The following PITPNC1 variants were observed in gnomAD, a reference collection of about 807,000 sequenced individuals.
PITPNC1 encodes the protein cytoplasmic phosphatidylinositol transfer protein 1.
Under a neutral mutation model 44.7 loss-of-function variants are expected in PITPNC1, and 18 were observed. The observed-to-expected ratio is 0.40, with a 90% confidence interval of 0.28 to 0.60. PITPNC1 has a LOEUF of 0.60. Ranked by LOEUF, PITPNC1 falls within the 20% of genes least tolerant of loss-of-function variation. The pLI, the probability that PITPNC1 is intolerant of heterozygous loss-of-function variation, is 0.39. For missense variants in PITPNC1, 290 were observed against 418.4 expected (o/e 0.69, Z 2.68); for synonymous variants, 141 against 149.6 (o/e 0.94, Z 0.42).
chr17:67,570,140 A>C (rs1270048668), intron 4 of PITPNC1, among the ~76,000 whole-genome samples: 1 of 152,104 alleles, frequency 6.6e-6, no homozygotes, highest in Non-Finnish European at 1.5e-5. Context: ...GGTTTTGGCG[A>C]TTGGGTTGAG....
At chr17:67,546,169 T>A (rs1329377411) in intron 2 of PITPNC1, among the ~76,000 whole-genome samples, 1 of 115,338 alleles carries the variant, frequency 8.7e-6, no homozygotes, top group Non-Finnish European at 1.8e-5. Context: ...AAAGTGAGAC[T>A]CCATCTCAAA....
At chr17:67,572,277 A>G (rs1403800054) in intron 4 of PITPNC1, among the ~76,000 whole-genome samples, 2 of 152,046 alleles carry the variant, frequency 1.3e-5, no homozygotes, top group Non-Finnish European at 2.9e-5. Flanking sequence ...CAGGATCTTT[A>G]GGGAACAGCG....
intron 6 of PITPNC1, among the ~76,000 whole-genome samples, chr17:67,634,500 G>A (rs1186678669): frequency 3.3e-5 from 5 of 152,090 alleles, no homozygotes; most frequent in Non-Finnish European, 4.4e-5. Flanking sequence ...AGGCTGCAAT[G>A]AGCTGAGATC....
At chr17:67,686,020 G>T (rs963466497) in intron 8 of PITPNC1, among the ~76,000 whole-genome samples, 13 of 151,496 alleles carry the variant, frequency 8.6e-5, no homozygotes, top group African/African-American at 3.2e-4. Flanking sequence ...TAGTAGAGAC[G>T]GTGTTTCACC....
chr17:67,663,914 C>T (rs191560787), intron 6 of PITPNC1, among the ~76,000 whole-genome samples: 68 of 152,184 alleles, frequency 4.5e-4, no homozygotes, highest in Admixed American at 9.2e-4. Flanking sequence ...AGTGACCGAG[C>T]GAGCTTCTAG....
At chr17:67,668,805 T>C (rs9895334) in intron 6 of PITPNC1, among the ~76,000 whole-genome samples, 26,042 of 149,972 alleles carry the variant, frequency 0.17, 2,384 homozygotes, top group African/African-American at 0.24. Flanking sequence ...GAGCTTGCAG[T>C]GAGCCGAGAT....
intron 5 of PITPNC1, among the ~76,000 whole-genome samples, chr17:67,623,889 A>G (rs1452067476): frequency 6.6e-6 from 1 of 152,204 alleles, no homozygotes; most frequent in Non-Finnish European, 1.5e-5. Flanking sequence ...GAAATCACCA[A>G]ATCTAGAAAC....
intron 6 of PITPNC1, among the ~76,000 whole-genome samples, chr17:67,633,782 C>T (rs1248623288): frequency 6.6e-6 from 1 of 152,250 alleles, no homozygotes; most frequent in African/African-American, 2.4e-5. Flanking sequence ...CAAAGCACTC[C>T]TGTGACGCCT....
chr17:67,398,785 T>G (rs1281118873), intron 1 of PITPNC1, among the ~76,000 whole-genome samples: 1 of 152,124 alleles, frequency 6.6e-6, no homozygotes, highest in Non-Finnish European at 1.5e-5. Flanking sequence ...AATCTATTTT[T>G]CATTGCACGT....
chr17:67,545,351 GCAGATCACTTGAGGT>G (rs1472493656), intron 2 of PITPNC1, among the ~76,000 whole-genome samples: 4 of 151,938 alleles, frequency 2.6e-5, no homozygotes, highest in African/African-American at 9.7e-5. Context: ...GGCCAAGCAG[GCAGATCACTTGAGGT>G]CAGGCGTTTG....
intron 6 of PITPNC1, among the ~76,000 whole-genome samples, chr17:67,639,584 G>A (rs1405119480): frequency 6.6e-6 from 1 of 152,196 alleles, no homozygotes; most frequent in African/African-American, 2.4e-5. Context: ...CCCTGACGTG[G>A]CATAATTAAA....
chr17:67,608,022 C>A (rs920574585), intron 5 of PITPNC1, among the ~76,000 whole-genome samples: 1 of 151,922 alleles, frequency 6.6e-6, no homozygotes, highest in Admixed American at 6.6e-5. Flanking sequence ...GAGCCACCGG[C>A]CCCGGCCTGA....
intron 1 of PITPNC1, among the ~76,000 whole-genome samples, chr17:67,497,305 C>T (rs540279373): frequency 9.9e-5 from 15 of 151,598 alleles, no homozygotes; most frequent in South Asian, 4.2e-4. Flanking sequence ...CTGCAACCTC[C>T]GATTCCCCAG....
chr17:67,523,820 T>G (rs2144112862), intron 1 of PITPNC1, among the ~76,000 whole-genome samples: 1 of 149,192 alleles, frequency 6.7e-6, no homozygotes, highest in East Asian at 2.0e-4. Flanking sequence ...TTTTTTTTTT[T>G]TTTTTTTTTT....
intron 4 of PITPNC1, among the ~76,000 whole-genome samples, chr17:67,561,209 A>T (rs138584241): frequency 0.012 from 1,828 of 152,200 alleles, 41 homozygotes; most frequent in African/African-American, 0.041. Flanking sequence ...TAATCTCAAC[A>T]CTCTGGGAGG....
intron 5 of PITPNC1, chr17:67,613,929 CAAAAAAAAA>C (rs61136281): frequency 7.0e-5 from 3 of 42,798 alleles, no homozygotes; most frequent in Middle Eastern, 0.024. Context: ...CCTATCTCTA[CAAAAAAAAA>C]AAAAAAAAAA....
At chr17:67,601,524 G>A (rs1178165600) in intron 5 of PITPNC1, among the ~76,000 whole-genome samples, 9 of 152,080 alleles carry the variant, frequency 5.9e-5, no homozygotes, top group Non-Finnish European at 1.3e-4. Context: ...GCTGGAGAAG[G>A]AGGATCACTT....
chr17:67,681,565 C>T (rs146222433), intron 8 of PITPNC1, among the ~76,000 whole-genome samples: 2,921 of 126,566 alleles, frequency 0.023, 31 homozygotes, highest in Middle Eastern at 0.065. Flanking sequence ...ACTATGGTCA[C>T]ACCACTGCAC....
At chr17:67,537,008 C>A (rs952706656) in intron 2 of PITPNC1, among the ~76,000 whole-genome samples, 1 of 152,098 alleles carries the variant, frequency 6.6e-6, no homozygotes, top group African/African-American at 2.4e-5. Context: ...CACTTATAGG[C>A]CAATCTCAGT....
Sources: gnomAD v4.1 joint callset for allele counts (sites outside exome capture counted in the v4.1 genomes callset) on GRCh38, gnomAD v4.1.1 for gene constraint, MANE v1.5 for transcripts, NCBI Gene and HGNC (gene_info 2026-07-23, HGNC 2026-07-21) for gene names.